DNM3: variants seen among roughly 807,000 people sequenced by gnomAD.
DNM3 encodes dynamin 3.
Under a neutral mutation model 101.6 loss-of-function variants are expected in DNM3, and 47 were observed. The observed-to-expected ratio is 0.46, with a 90% confidence interval of 0.37 to 0.59. The LOEUF is 0.59. DNM3 is among the 20% of genes least tolerant of loss of function. The probability of loss-of-function intolerance (pLI) is 0.00; values close to 1 mark genes in which losing one functional copy is unlikely to be tolerated. For missense variants in DNM3, 849 were observed against 1,085.7 expected, an observed-to-expected ratio of 0.78 and a Z score of 3.06; for synonymous variants, 385 against 387.9, an observed-to-expected ratio of 0.99 and a Z score of 0.09.
At chr1:172,021,170 C>A (rs2047825585) in intron 4 of DNM3, among the ~76,000 whole-genome samples, 1 of 152,178 alleles carries the variant, frequency 6.6e-6, no homozygotes, top group Non-Finnish European at 1.5e-5. Context: ...TTAATTTTAT[C>A]TTTCATAAAG....
chr1:171,885,216 G>GT (rs1274200393), intron 1 of DNM3, among the ~76,000 whole-genome samples: 3 of 151,572 alleles, frequency 2.0e-5, no homozygotes, highest in Admixed American at 6.6e-5. Context: ...ATGGCACTTG[G>GT]TAAAAAAAAA....
rs761368840 is a variant in DNM3 at position 171,880,905 on chromosome 1, T to TA, written c.161+39098dup. 1.7e-3 allele frequency among the ~76,000 whole-genome samples: 250 copies of TA among 148,870 alleles called. 4 individuals carry two copies. Among genetic ancestry groups the TA allele is most frequent in the East Asian group, 0.016 (81 of 5,098 alleles). ...TACATAGGCAGAATAAATAGTAAAGTAAAAAAAAAACCTATGTGTCTTTTA... is the reference window on the plus strand; with the variant it reads ...TACATAGGCAGAATAAATAGTAAAGTAAAAAAAAAAACCTATGTGTCTTTTA... On this transcript the variant is annotated intron_variant, in intron 1 of 20. Coordinates refer to ENST00000627582, the MANE Select transcript of DNM3 (RefSeq NM_015569.5).
chr1:172,068,639 T>G (rs2051896340), intron 10 of DNM3, among the ~76,000 whole-genome samples, 180 bp from the exon 11 acceptor site: 2 of 152,214 alleles, frequency 1.3e-5, no homozygotes, highest in East Asian at 1.9e-4. Flanking sequence ...TTACTTCTGA[T>G]GATAGTTTGT....
rs141356531 is a variant in DNM3, at chr1:172,131,116, C to G, written c.1546-59C>G. The G allele has an allele frequency of 2.4e-4, 345 of 1,453,816 alleles. No individual in the cohort carries two copies. In the East Asian group the frequency reaches 5.7e-3, roughly 24 times the overall value. The allele number at this position is 1,453,816 out of a possible 1,614,324, so 90.1% of individuals were successfully genotyped here. ...TTTTTAACTTCTTAGTCCAAGACAT[C>G]TAATCTCCAGTGGCTTTTGTTAAAC... On this transcript the variant is annotated intron_variant, in intron 13 of 20. Transcript: ENST00000627582.
intron 15 of DNM3, among the ~76,000 whole-genome samples, chr1:172,266,554 G>T (rs1018815407): frequency 6.6e-6 from 1 of 152,106 alleles, no homozygotes; most frequent in African/African-American, 2.4e-5. Flanking sequence ...TCCCACTTTT[G>T]TCAAAACAAT....
chr1:172,285,922 A>G (rs368472665), intron 15 of DNM3, among the ~76,000 whole-genome samples: 11 of 152,206 alleles, frequency 7.2e-5, no homozygotes, highest in African/African-American at 2.6e-4. Flanking sequence ...GTGGGATAAC[A>G]TGAATCTGCA....
intron 15 of DNM3, among the ~76,000 whole-genome samples, chr1:172,270,476 A>G (rs2063042090): frequency 1.3e-5 from 2 of 152,134 alleles, no homozygotes. Context: ...CAACTTACCC[A>G]TAAAGAATGT....
At chr1:171,885,009 T>A (rs1421751070) in intron 1 of DNM3, among the ~76,000 whole-genome samples, 1 of 152,200 alleles carries the variant, frequency 6.6e-6, no homozygotes, top group Non-Finnish European at 1.5e-5. Context: ...GATCCTATCA[T>A]GTTGCTTGGC....
chr1:172,176,506 G>A (rs982683029), intron 14 of DNM3, among the ~76,000 whole-genome samples: 4 of 151,922 alleles, frequency 2.6e-5, no homozygotes, highest in Middle Eastern at 3.4e-3. Context: ...ATTAGGGCCT[G>A]TAAATAGCCA....
At chr1:172,298,568 G>T (rs748437246) in intron 15 of DNM3, among the ~76,000 whole-genome samples, 27 of 152,088 alleles carry the variant, frequency 1.8e-4, no homozygotes, top group Non-Finnish European at 2.5e-4. Context: ...TGCCACAACA[G>T]ATGTCTTGCT....
At chr1:172,233,629 C>A (rs1349783485) in intron 14 of DNM3, among the ~76,000 whole-genome samples, 6 of 152,076 alleles carry the variant, frequency 3.9e-5, no homozygotes, top group African/African-American at 1.4e-4. Context: ...AACATCGATG[C>A]AAAAATCCTC....
chr1:172,311,011 C>G (rs1365327983), intron 16 of DNM3: 1 of 152,168 alleles, frequency 6.6e-6, no homozygotes, highest in African/African-American at 2.4e-5. Context: ...AGCCTTTTCA[C>G]ATTTCAAGAT....
At position 171,957,359 on chromosome 1, in the gene DNM3, G is replaced by T. The variant is rs560292899; in HGVS notation, c.236-30297G>T. On this transcript the variant is annotated intron_variant, in intron 2 of 20. Coordinates refer to ENST00000627582, the MANE Select transcript of DNM3 (RefSeq NM_015569.5). ...ACTACAGGTGCCCGCCACCACACTC[G>T]GCTAATTTTTTGTATTTTTCAGTAG... Among the ~76,000 whole-genome samples the T allele has an allele frequency of 7.9e-5, 12 of 151,780 alleles. 1 individual carries two copies. In the East Asian group the frequency reaches 2.3e-3, roughly 30 times the overall value.
At chr1:171,997,210 T>A (rs2046057738) in intron 4 of DNM3, among the ~76,000 whole-genome samples, 1 of 152,146 alleles carries the variant, frequency 6.6e-6, no homozygotes, top group Non-Finnish European at 1.5e-5. Flanking sequence ...TTCAAACTAC[T>A]GCCCACACCC....
intron 17 of DNM3, chr1:172,338,968 C>T (rs999846252): frequency 9.5e-6 from 4 of 420,550 alleles, no homozygotes; most frequent in Admixed American, 6.0e-5. Flanking sequence ...AATTATTCTA[C>T]TAAATAATAT....
intron 2 of DNM3, among the ~76,000 whole-genome samples, chr1:171,972,304 C>G (rs1433157451): frequency 2.0e-5 from 3 of 152,192 alleles, no homozygotes; most frequent in Non-Finnish European, 4.4e-5. Context: ...AGAGCAAGCA[C>G]TGGCTTTGGT....
At chr1:172,366,397 T>C (rs1265402754) in intron 17 of DNM3, 2 of 151,898 alleles carry the variant, frequency 1.3e-5, no homozygotes, top group Admixed American at 6.6e-5. Flanking sequence ...GAAATGTTGA[T>C]TATTAGCAAA....
chr1:171,918,018 G>A (rs2039858873), intron 1 of DNM3, among the ~76,000 whole-genome samples: 1 of 152,158 alleles, frequency 6.6e-6, no homozygotes, highest in Non-Finnish European at 1.5e-5. Context: ...TGTTGCTGAA[G>A]GCAGGCATAA....
At chr1:171,909,899 G>A (rs2039152946) in intron 1 of DNM3, among the ~76,000 whole-genome samples, 1 of 152,122 alleles carries the variant, frequency 6.6e-6, no homozygotes, top group South Asian at 2.1e-4. Flanking sequence ...TCTTTTCACT[G>A]GTGCTTTTAA....
Sources: gnomAD v4.1 joint callset for allele counts (sites outside exome capture counted in the v4.1 genomes callset) on GRCh38, gnomAD v4.1.1 for gene constraint, MANE v1.5 for transcripts, NCBI Gene and HGNC (gene_info 2026-07-23, HGNC 2026-07-21) for gene names.